UBR4: variants seen among roughly 807,000 people sequenced by gnomAD.
UBR4 encodes ubiquitin protein ligase E3 component n-recognin 4, also known as E3 ubiquitin-protein ligase UBR4.
Under a neutral mutation model 575.6 loss-of-function variants are expected in UBR4, and 124 were observed. The observed-to-expected ratio is 0.22, with a 90% confidence interval of 0.19 to 0.25. The LOEUF (loss-of-function observed/expected upper bound fraction) is 0.25, where lower values mean the gene tolerates loss of function less well. Ranked by LOEUF, UBR4 falls within the 10% of genes least tolerant of loss-of-function variation. UBR4 has a pLI of 1.00. For synonymous variants in UBR4, 2,455 were observed against 2,473.7 expected, an observed-to-expected ratio of 0.99 and a Z score of 0.22; for missense variants, 4,818 against 6,478.8, an observed-to-expected ratio of 0.74 and a Z score of 8.80.
chr1:19,151,297 C>G (rs956063345), intron 48 of UBR4: 1 of 387,976 alleles, frequency 2.6e-6, no homozygotes, highest in Non-Finnish European at 4.7e-6. Flanking sequence ...CATGTGTGAC[C>G]TGAGGTCTTC....
At chr1:19,082,319 T>C (rs1261397671) in intron 102 of UBR4, 1 of 153,488 alleles carries the variant, frequency 6.5e-6, no homozygotes, top group Non-Finnish European at 1.5e-5. Context: ...GCCACCACTA[T>C]CCCAATTTTA....
intron 60 of UBR4, among the ~76,000 whole-genome samples, chr1:19,130,659 G>T (rs1323095055): frequency 1.3e-5 from 2 of 152,182 alleles, no homozygotes; most frequent in East Asian, 3.8e-4. Context: ...AGCTAGGTGG[G>T]GACTACAAAC....
rs113067531 is a variant in UBR4 at position 19,102,094 on chromosome 1, G to C, written c.12902-453C>G. On this transcript the variant is annotated intron_variant, in intron 87 of 105. Coordinates refer to ENST00000375254, the MANE Select transcript of UBR4 (RefSeq NM_020765.3). ...TATAAGCGAAAAAACACAACTTAAA[G>C]TAACATGAAGGTGAGAAAATATGGT... 4.3e-3 allele frequency among the ~76,000 whole-genome samples: 659 copies of C among 152,318 alleles called. 5 individuals carry two copies. The highest frequency in any genetic ancestry group is 0.017 in the Middle Eastern group (5 of 294).
chr1:19,086,745 T>G lies in UBR4; in HGVS notation c.14621A>C (p.Gln4874Pro). Residue 4874 changes from glutamine to proline, a missense_variant, in exon 100 of 106, where the codon CAG becomes CCG. This residue lies in a region of UBR4 where 196 missense variants were observed against 386.8 expected (regional missense o/e 0.51). Transcript: ENST00000375254. ...GTGGGACACGGTGCTGTAGCCCTGC[T>G]GTTTCCGGGGCTTATTCTCCATCTC... ...LEEMENKPRK[Q>P]QGYSTVSHFN... The G allele has an allele frequency of 6.2e-7, 1 of 1,614,240 alleles. No homozygotes were observed. Among genetic ancestry groups the G allele is most frequent in the Non-Finnish European group, 8.5e-7 (1 of 1,180,032 alleles).
In UBR4 at chr1:19,141,763, C is replaced by T; in HGVS notation, c.8194G>A (p.Asp2732Asn). The T allele has an allele frequency of 6.2e-7, 1 of 1,614,170 alleles. No individual in the cohort carries two copies. The highest frequency in any genetic ancestry group is 8.5e-7 in the Non-Finnish European group (1 of 1,180,016). ...TTCTCATCTGCATCATCATCGTCAT[C>T]ATCATCCTTGTCTCCTGAGTCAAAG... Reference protein sequence around the residue: ...SNTPMGDKDDDDDDDADEKMQ... With the variant: ...SNTPMGDKDDNDDDDADEKMQ... Residue 2732 changes from aspartate to asparagine, a missense_variant, in exon 56 of 106, where the codon GAT becomes AAT. This residue lies in a region of UBR4 where 129 missense variants were observed against 198.4 expected (regional missense o/e 0.65). Coordinates refer to ENST00000375254, the MANE Select transcript of UBR4 (RefSeq NM_020765.3).
Position 19,104,232 on chromosome 1 carries a change from C to T in UBR4, c.12753G>A (p.Val4251=), listed in dbSNP as rs1192173505. 1.9e-6 allele frequency: 3 copies of T among 1,614,076 alleles called. No homozygotes were observed. In the South Asian group the frequency reaches 3.3e-5, roughly 18 times the overall value. The change falls in exon 87 of 106, where the codon GTG becomes GTA. Residue 4251 remains valine, a synonymous_variant. Coordinates refer to ENST00000375254, the MANE Select transcript of UBR4 (RefSeq NM_020765.3). ...TTTTAAAATGTCTTTTGATGGATTC[C>T]ACCTCAACAAAGGAGGAGAGAAGGC... ...LTGLLSSFVE[V]ESIKRHFKSR...
intron 39 of UBR4, among the ~76,000 whole-genome samples, chr1:19,158,921 C>T (rs1295286856): frequency 1.3e-5 from 2 of 151,962 alleles, no homozygotes; most frequent in Non-Finnish European, 2.9e-5. Flanking sequence ...GTGGACAAAT[C>T]ACTTGAGCAC....
chr1:19,166,905 A>C (rs1487518851), intron 29 of UBR4, 117 bp downstream of exon 29: 1 of 1,242,460 alleles, frequency 8.0e-7, no homozygotes, highest in Non-Finnish European at 1.1e-6. Context: ...CAGAATAAAA[A>C]AAAAACCACA....
In UBR4 at chr1:19,178,442, G is replaced by T. The variant is rs56220854; in HGVS notation, c.2354+609C>A. Among the ~76,000 whole-genome samples, 1,314 of 152,290 alleles carry T rather than the reference G, an allele frequency of 8.6e-3. 13 individuals are homozygous for T. The highest frequency in any genetic ancestry group is 0.024 in the Admixed American group (362 of 15,296). Reference sequence around the variant, plus strand: ...CTCGACCCTCTCAGCCTTTTTGCAAGATTCCACCAGGAAAAATATAGCGGG... The same window carrying T: ...CTCGACCCTCTCAGCCTTTTTGCAATATTCCACCAGGAAAAATATAGCGGG... On this transcript the variant is annotated intron_variant, in intron 18 of 105. Transcript: ENST00000375254.
chr1:19,148,220 C>T lies in UBR4; in HGVS notation c.7495-93G>A, dbSNP rs975553214. 3.4e-6 allele frequency: 5 copies of T among 1,463,144 alleles called. No homozygotes were observed. In the East Asian group the frequency reaches 9.6e-5, roughly 28 times the overall value. The allele number at this position is 1,463,144 out of a possible 1,614,324, so 90.6% of individuals were successfully genotyped here. Reference sequence around the variant, plus strand: ...CTGCCTGCCCTTCCTTCCTTCTAGGCCACCAGGGCTAGGTTATGCTCCATG... The same window carrying T: ...CTGCCTGCCCTTCCTTCCTTCTAGGTCACCAGGGCTAGGTTATGCTCCATG... On this transcript the variant is annotated intron_variant, in intron 50 of 105. Coordinates refer to ENST00000375254, the MANE Select transcript of UBR4 (RefSeq NM_020765.3).
intron 62 of UBR4, 132 bp from the exon 63 acceptor site, chr1:19,127,871 C>T (rs1376890765): frequency 6.9e-6 from 5 of 720,450 alleles, no homozygotes; most frequent in African/African-American, 1.8e-5. Flanking sequence ...CAAAACAACC[C>T]CCAGTATATC....
intron 1 of UBR4, among the ~76,000 whole-genome samples, chr1:19,205,944 C>A (rs1571868597): frequency 1.3e-5 from 2 of 152,274 alleles, no homozygotes; most frequent in East Asian, 3.9e-4. Flanking sequence ...AAGAGTCAAT[C>A]AAATTGTCGA....
chr1:19,101,387 T>C, intron 88 of UBR4, 133 bp downstream of exon 88: 1 of 1,270,780 alleles, frequency 7.9e-7, no homozygotes, highest in Admixed American at 2.9e-5. Flanking sequence ...TGGCGGTGGA[T>C]CTTCTTTCAC....
At position 19,106,378 on chromosome 1, in the gene UBR4, C is replaced by T. The variant is rs1006792129; in HGVS notation, c.12393+191G>A. 3.9e-5 allele frequency among the ~76,000 whole-genome samples: 6 copies of T among 152,146 alleles called. 1 individual carries two copies. The highest frequency in any genetic ancestry group is 4.1e-4 in the South Asian group (2 of 4,830). ...AAGATAAGCAGAGGAAGTTCTGTTT[C>T]GGCCAGTCCACCATGCTAGCCCAAC... is the stretch of plus-strand genomic sequence containing the variant. On this transcript the variant is annotated intron_variant, in intron 83 of 105. Transcript: ENST00000375254.
At chr1:19,108,443 C>T (rs989097787) in intron 81 of UBR4, among the ~76,000 whole-genome samples, 1 of 152,102 alleles carries the variant, frequency 6.6e-6, no homozygotes, top group African/African-American at 2.4e-5. Context: ...GCTTGCATCT[C>T]ACACAAGTGC....
At chr1:19,174,919 C>A (rs747023290) in intron 21 of UBR4, 35 bp downstream of exon 21, 22 of 1,586,050 alleles carry the variant, frequency 1.4e-5, no homozygotes, top group Non-Finnish European at 1.9e-5. Context: ...ACCATCTGAC[C>A]CACATATAAA....
At chr1:19,184,800 C>A (rs150174768) in intron 15 of UBR4, among the ~76,000 whole-genome samples, 1 of 152,204 alleles carries the variant, frequency 6.6e-6, no homozygotes, top group Non-Finnish European at 1.5e-5. Flanking sequence ...TGTCACAACA[C>A]CTTTAGATGC....
Position 19,121,313 on chromosome 1 carries a change from A to G in UBR4, c.10017T>C (p.Ser3339=). Residue 3339 remains serine, a synonymous_variant, in exon 68 of 106, where the codon TCT becomes TCC. Coordinates refer to ENST00000375254, the MANE Select transcript of UBR4 (RefSeq NM_020765.3). ...GSKVLAALAA[S]SGSSSASSSS... is the part of the protein sequence containing the mutation. ...AGGAAGAAGCACTGGAGGATCCCGAAGAGGCTGCCAGTGCAGCGAGCACCT... is the reference window on the plus strand; with the variant it reads ...AGGAAGAAGCACTGGAGGATCCCGAGGAGGCTGCCAGTGCAGCGAGCACCT... The G allele has an allele frequency of 6.2e-7, 1 of 1,614,226 alleles. No homozygotes were observed. The highest frequency in any genetic ancestry group is 8.5e-7 in the Non-Finnish European group (1 of 1,180,026).
At chr1:19,197,035 A>AG (rs1291949478) in intron 8 of UBR4, 106 bp downstream of exon 8, 1 of 1,373,318 alleles carries the variant, frequency 7.3e-7, no homozygotes, top group Non-Finnish European at 9.9e-7. Context: ...CCTTGAGAGA[A>AG]GGAAGCAAGG....
Sources: gnomAD v4.1 joint callset for allele counts (sites outside exome capture counted in the v4.1 genomes callset) on GRCh38, gnomAD v4.1.1 for gene constraint, gnomAD v4.1.1 regional missense constraint, MANE v1.5 for transcripts, NCBI Gene and HGNC (gene_info 2026-07-23, HGNC 2026-07-21) for gene names.